ARHGAP24: variants seen among roughly 807,000 people sequenced by gnomAD.
ARHGAP24 encodes the protein rho GTPase-activating protein 24.
A neutral mutation model predicts 76.4 loss-of-function variants in ARHGAP24; 50 were observed. That is an observed-to-expected ratio of 0.65 (90% confidence interval 0.52 to 0.83). The LOEUF (loss-of-function observed/expected upper bound fraction) is 0.83, where lower values mean the gene tolerates loss of function less well. ARHGAP24 is among the 40% of genes least tolerant of loss of function. ARHGAP24 has a pLI of 0.00. For missense variants in ARHGAP24, 930 were observed against 914.2 expected (o/e 1.02, Z -0.22); for synonymous variants, 345 against 323.3 (o/e 1.07, Z -0.72).
intron 3 of ARHGAP24, among the ~76,000 whole-genome samples, chr4:85,872,361 A>G (rs1473086303): frequency 6.6e-6 from 1 of 151,824 alleles, no homozygotes; most frequent in Non-Finnish European, 1.5e-5. Context: ...CAGTGGCATG[A>G]TCTTGGCTCA....
At chr4:85,918,134 C>CA (rs1331938529) in intron 3 of ARHGAP24, among the ~76,000 whole-genome samples, 3 of 151,514 alleles carry the variant, frequency 2.0e-5, no homozygotes, top group South Asian at 2.1e-4. Flanking sequence ...AAAAGGAGAG[C>CA]AAAAAATCTC....
chr4:85,985,138 T>C (rs72986060), intron 8 of ARHGAP24, among the ~76,000 whole-genome samples: 2,943 of 152,258 alleles, frequency 0.019, 101 homozygotes, highest in African/African-American at 0.065. Context: ...GTAACTCTTA[T>C]ACTCAAAGGA....
At chr4:85,516,193 G>A (rs377463952) in intron 1 of ARHGAP24, among the ~76,000 whole-genome samples, 11 of 152,206 alleles carry the variant, frequency 7.2e-5, no homozygotes, top group Admixed American at 7.2e-4. Context: ...GGGTGTGAGA[G>A]TGCACCTGTG....
chr4:85,975,947 A>ACAGT (rs1739294205), intron 7 of ARHGAP24, among the ~76,000 whole-genome samples: 1 of 152,208 alleles, frequency 6.6e-6, no homozygotes. Context: ...TTAGAAGCAA[A>ACAGT]CAGTACCTTG....
At chr4:85,815,851 G>A (rs1470466494) in intron 3 of ARHGAP24, among the ~76,000 whole-genome samples, 1 of 152,146 alleles carries the variant, frequency 6.6e-6, no homozygotes, top group Non-Finnish European at 1.5e-5. Context: ...CCGAGACTAG[G>A]CAGTTTACAA....
intron 2 of ARHGAP24, among the ~76,000 whole-genome samples, chr4:85,636,571 GAC>G (rs200871995): frequency 2.0e-3 from 301 of 150,880 alleles, no homozygotes; most frequent in African/African-American, 7.0e-3. Context: ...CACACACACA[GAC>G]ACACACACAC....
At chr4:85,478,785 G>C (rs1479776650) in intron 1 of ARHGAP24, among the ~76,000 whole-genome samples, 1 of 152,050 alleles carries the variant, frequency 6.6e-6, no homozygotes, top group Non-Finnish European at 1.5e-5. Context: ...TTGATTCTTG[G>C]TGGCTCACTT....
At position 85,511,872 on chromosome 4, in the gene ARHGAP24, A is replaced by C. The variant is rs184490128; in HGVS notation, c.-21+36313A>C. ...GGGGAATCCTTCCTTTCCTCTTCCTAGTTTCTGGTGGTTTGCTGGAAATCC... is the reference window on the plus strand; with the variant it reads ...GGGGAATCCTTCCTTTCCTCTTCCTCGTTTCTGGTGGTTTGCTGGAAATCC... On this transcript the variant is annotated intron_variant, in intron 1 of 9. Coordinates refer to ENST00000395184, the MANE Select transcript of ARHGAP24 (RefSeq NM_001025616.3). Among the ~76,000 whole-genome samples, 302 of 152,138 alleles carry C rather than the reference A, an allele frequency of 2.0e-3. 2 individuals are homozygous for C. Among genetic ancestry groups the C allele is most frequent in the Non-Finnish European group, 3.5e-3 (236 of 67,998 alleles).
intron 3 of ARHGAP24, among the ~76,000 whole-genome samples, chr4:85,758,791 G>A (rs1726625620): frequency 1.3e-5 from 2 of 152,066 alleles, no homozygotes; most frequent in Non-Finnish European, 2.9e-5. Flanking sequence ...AGCATCAAAG[G>A]CATACATATC....
chr4:85,910,875 G>A (rs1735036603), intron 3 of ARHGAP24, among the ~76,000 whole-genome samples: 1 of 151,666 alleles, frequency 6.6e-6, no homozygotes, highest in South Asian at 2.1e-4. Context: ...GGTCATCCCC[G>A]GCCTGAAGGT....
intron 2 of ARHGAP24, among the ~76,000 whole-genome samples, chr4:85,696,111 T>C (rs1057202047): frequency 3.3e-5 from 5 of 152,160 alleles, no homozygotes; most frequent in Admixed American, 1.3e-4. Flanking sequence ...GGGTCTCATT[T>C]AGGATCCAAC....
At chr4:85,995,952 AATAG>A (rs1740635519) in intron 9 of ARHGAP24, among the ~76,000 whole-genome samples, 1 of 152,206 alleles carries the variant, frequency 6.6e-6, no homozygotes, top group Non-Finnish European at 1.5e-5. Context: ...ATTATTATTA[AATAG>A]ATAGATTTGC....
intron 1 of ARHGAP24, among the ~76,000 whole-genome samples, chr4:85,497,848 G>A (rs1723640362): frequency 6.6e-6 from 1 of 151,740 alleles, no homozygotes; most frequent in Non-Finnish European, 1.5e-5. Flanking sequence ...GAAAGAAAAG[G>A]AAAAGAAATG....
In ARHGAP24 at chr4:85,969,441, CAT is replaced by C. The variant is rs536916489; in HGVS notation, c.600-2593_600-2592del. Reference sequence around the variant, plus strand: ...ATATAGTCATGCAAATTATACATAACATACTCTGTATATTGAAATATATACTT... The same window carrying C: ...ATATAGTCATGCAAATTATACATAACACTCTGTATATTGAAATATATACTT... On this transcript the variant is annotated intron_variant, in intron 5 of 9. Transcript: ENST00000395184. Among the ~76,000 whole-genome samples the C allele has an allele frequency of 3.8e-3, 572 of 151,994 alleles. 3 individuals are homozygous for C. Among genetic ancestry groups the C allele is most frequent in the Non-Finnish European group, 6.0e-3 (406 of 67,986 alleles).
At chr4:85,522,854 C>G (rs577311113) in intron 1 of ARHGAP24, among the ~76,000 whole-genome samples, 1 of 152,294 alleles carries the variant, frequency 6.6e-6, no homozygotes, top group South Asian at 2.1e-4. Context: ...GATTTGCCCC[C>G]ACTTCAAGGC....
chr4:85,480,698 T>G (rs72970768), intron 1 of ARHGAP24, among the ~76,000 whole-genome samples: 2,187 of 152,216 alleles, frequency 0.014, 55 homozygotes, highest in African/African-American at 0.049. Flanking sequence ...TAATCCCTGA[T>G]AGATAAAATG....
intron 1 of ARHGAP24, among the ~76,000 whole-genome samples, chr4:85,529,944 T>A (rs1213891887): frequency 6.6e-6 from 1 of 151,980 alleles, no homozygotes; most frequent in East Asian, 1.9e-4. Context: ...GAGAGTTGGT[T>A]AAGTCCATTC....
At chr4:85,737,730 A>G (rs1725656973) in intron 3 of ARHGAP24, among the ~76,000 whole-genome samples, 1 of 152,204 alleles carries the variant, frequency 6.6e-6, no homozygotes, top group Admixed American at 6.5e-5. Context: ...ATTTGAAAAT[A>G]TGAAAAGGCA....
At chr4:85,765,170 A>C (rs1726881493) in intron 3 of ARHGAP24, among the ~76,000 whole-genome samples, 1 of 152,174 alleles carries the variant, frequency 6.6e-6, no homozygotes, top group South Asian at 2.1e-4. Flanking sequence ...TAGATATGCT[A>C]CAAAAAAAGG....
Sources: gnomAD v4.1 joint callset for allele counts (sites outside exome capture counted in the v4.1 genomes callset) on GRCh38, gnomAD v4.1.1 for gene constraint, MANE v1.5 for transcripts, NCBI Gene and HGNC (gene_info 2026-07-23, HGNC 2026-07-21) for gene names.